ACSM1: variants seen among roughly 807,000 people sequenced by gnomAD.
ACSM1 encodes acyl-coenzyme A synthetase ACSM1, mitochondrial.
ACSM1 carries 79 observed loss-of-function variants against 75.8 expected under a neutral mutation model. The observed-to-expected ratio is 1.04, with a 90% CI of 0.87 to 1.26. ACSM1 has a LOEUF of 1.26. Ranked by LOEUF, ACSM1 falls within the 50% of genes most tolerant of loss-of-function variation. The pLI is 0.00. For synonymous variants in ACSM1, 279 were observed against 265.8 expected, an observed-to-expected ratio of 1.05 and a Z score of -0.48; for missense variants, 676 against 720.1, an observed-to-expected ratio of 0.94 and a Z score of 0.70.
chr16:20,675,865 C>G (rs1318021396), intron 4 of ACSM1, among the ~76,000 whole-genome samples: 1 of 152,196 alleles, frequency 6.6e-6, no homozygotes, highest in Non-Finnish European at 1.5e-5. Flanking sequence ...GCTGCGCTGG[C>G]GGCTACGGAG....
chr16:20,647,114 C>T (rs2018410721), intron 7 of ACSM1, among the ~76,000 whole-genome samples: 1 of 152,226 alleles, frequency 6.6e-6, no homozygotes, highest in South Asian at 2.1e-4. Context: ...CTCCTGGCTA[C>T]AGACACAAAA....
At chr16:20,672,901 A>G (rs2020041878) in intron 4 of ACSM1, among the ~76,000 whole-genome samples, 1 of 130,198 alleles carries the variant, frequency 7.7e-6, no homozygotes, top group Non-Finnish European at 1.5e-5. Context: ...TATAATAAAT[A>G]TAAATATATA....
intron 12 of ACSM1, among the ~76,000 whole-genome samples, chr16:20,624,746 G>T (rs559697175): frequency 6.6e-6 from 1 of 151,844 alleles, no homozygotes; most frequent in Non-Finnish European, 1.5e-5. Flanking sequence ...CCAGACTGGC[G>T]TGCAGTGGTG....
chr16:20,654,983 G>T (rs1460712775), intron 7 of ACSM1, among the ~76,000 whole-genome samples: 1 of 152,048 alleles, frequency 6.6e-6, no homozygotes, highest in African/African-American at 2.4e-5. Context: ...CAATAGCAAA[G>T]ACTTGGAACC....
chr16:20,696,094 G>A (rs1233791165), intron 1 of ACSM1, among the ~76,000 whole-genome samples: 1 of 152,134 alleles, frequency 6.6e-6, no homozygotes, highest in African/African-American at 2.4e-5. Flanking sequence ...AGCTACATAG[G>A]TTTGTAGCCT....
intron 7 of ACSM1, among the ~76,000 whole-genome samples, chr16:20,661,210 G>A (rs1022036549): frequency 6.6e-6 from 1 of 152,124 alleles, no homozygotes; most frequent in East Asian, 1.9e-4. Context: ...TCATAAAATA[G>A]GATGCTGCAC....
At chr16:20,625,553 C>G (rs2016873724) in intron 11 of ACSM1, 31 bp from the exon 12 acceptor site, 3 of 1,600,020 alleles carry the variant, frequency 1.9e-6, no homozygotes, top group Non-Finnish European at 2.6e-6. Flanking sequence ...AGGCAGATGC[C>G]AGGGCTGGGG....
chr16:20,629,720 G>A (rs1049628983), intron 10 of ACSM1, among the ~76,000 whole-genome samples: 54 of 152,268 alleles, frequency 3.5e-4, no homozygotes, highest in African/African-American at 1.2e-3. Context: ...TCCACTGGGC[G>A]TGGTGGCTCA....
chr16:20,670,136 C>A, intron 5 of ACSM1, 150 bp from the exon 6 acceptor site: 1 of 702,830 alleles, frequency 1.4e-6, no homozygotes. Context: ...GGCCAGGTCT[C>A]AAAGGTGTAC....
At chr16:20,642,224 G>T (rs1041729230) in intron 7 of ACSM1, among the ~76,000 whole-genome samples, 14 of 152,152 alleles carry the variant, frequency 9.2e-5, no homozygotes, top group African/African-American at 3.4e-4. Context: ...TTTAGATGAG[G>T]AAGAGGAGGA....
chr16:20,637,197 C>T (rs557236940), intron 9 of ACSM1, 174 bp downstream of exon 9: 1 of 775,400 alleles, frequency 1.3e-6, no homozygotes, highest in African/African-American at 1.7e-5. Flanking sequence ...TGTTCATGCT[C>T]ACAATAATGC....
Position 20,657,608 on chromosome 16 carries a change from G to T in ACSM1, c.992+4186C>A, listed in dbSNP as rs76620459. 4.1e-5 allele frequency among the ~76,000 whole-genome samples: 6 copies of T among 148,054 alleles called. No individual in the cohort carries two copies. The East Asian group carries it at 1.2e-3, about 29-fold the overall frequency. ...ACAGGCATAAGCCACTGTGCCCAAT[G>T]TTTTTTTTTTTATTATACCTTAAGT... On this transcript the variant is annotated intron_variant, in intron 7 of 13. Coordinates refer to ENST00000520010, the MANE Select transcript of ACSM1 (RefSeq NM_001318890.3).
chr16:20,692,589 G>A (rs1420631461), intron 1 of ACSM1, among the ~76,000 whole-genome samples: 1 of 152,176 alleles, frequency 6.6e-6, no homozygotes, highest in Non-Finnish European at 1.5e-5. Context: ...GTGGCTCTTA[G>A]TTGATTGTCT....
intron 7 of ACSM1, among the ~76,000 whole-genome samples, chr16:20,657,758 TCCCGCCA>T (rs1177002892): frequency 8.5e-6 from 1 of 117,222 alleles, no homozygotes; most frequent in Non-Finnish European, 1.8e-5. Flanking sequence ...CCCTCCCCCC[TCCCGCCA>T]CCCCACAACA....
At chr16:20,635,205 G>T (rs168102) in intron 10 of ACSM1, among the ~76,000 whole-genome samples, 1 of 151,868 alleles carries the variant, frequency 6.6e-6, no homozygotes. Context: ...AAGTAGTCTG[G>T]GCAACATAGT....
chr16:20,625,048 A>C (rs1567238243), intron 12 of ACSM1, among the ~76,000 whole-genome samples: 1 of 152,118 alleles, frequency 6.6e-6, no homozygotes, highest in Non-Finnish European at 1.5e-5. Context: ...ATACAAATGC[A>C]TGTATGTTCG....
chr16:20,696,688 A>T (rs1334418791), intron 1 of ACSM1, among the ~76,000 whole-genome samples: 1 of 152,244 alleles, frequency 6.6e-6, no homozygotes, highest in African/African-American at 2.4e-5. Flanking sequence ...TCTGAAAGCA[A>T]TTTGACATGG....
chr16:20,669,441 AACACAC>A (rs71149170), intron 6 of ACSM1, among the ~76,000 whole-genome samples: 13,162 of 141,282 alleles, frequency 0.093, 628 homozygotes, highest in South Asian at 0.15. Flanking sequence ...TGAGTAAGAA[AACACAC>A]ACACACACAC....
intron 7 of ACSM1, among the ~76,000 whole-genome samples, chr16:20,661,093 G>A (rs368629754): frequency 1.1e-4 from 16 of 152,032 alleles, no homozygotes; most frequent in African/African-American, 3.4e-4. Context: ...TACACACCAG[G>A]GTGCATGTCC....
Sources: allele counts gnomAD v4.1 joint callset (sites outside exome capture counted in the v4.1 genomes callset), GRCh38; gene constraint gnomAD v4.1.1; transcripts MANE v1.5; gene names NCBI Gene and HGNC (gene_info 2026-07-23, HGNC 2026-07-21).